CAPN8: variants seen among roughly 807,000 people sequenced by gnomAD.
CAPN8 encodes the protein calpain-8.
Under a neutral mutation model 80.9 loss-of-function variants are expected in CAPN8, and 87 were observed. The ratio of observed to expected loss-of-function variants is 1.07; its 90% confidence interval spans 0.90 to 1.28. CAPN8 has a LOEUF of 1.28. CAPN8 is among the 50% of genes most tolerant of loss of function. The pLI is 0.00. For missense variants in CAPN8, 757 were observed against 702.0 expected (o/e 1.08, Z -0.89); for synonymous variants, 299 against 273.8 (o/e 1.09, Z -0.91).
At chr1:223,661,584 C>A (rs545462420) in intron 1 of CAPN8, among the ~76,000 whole-genome samples, 1 of 152,094 alleles carries the variant, frequency 6.6e-6, no homozygotes, top group African/African-American at 2.4e-5. Context: ...GAGCCGAATT[C>A]GCACCATTGT....
chr1:223,660,008 T>A (rs1181080295), intron 1 of CAPN8, among the ~76,000 whole-genome samples: 1 of 152,118 alleles, frequency 6.6e-6, no homozygotes, highest in African/African-American at 2.4e-5. Context: ...CAGCACGCAA[T>A]AAATCATGGC....
intron 16 of CAPN8, among the ~76,000 whole-genome samples, chr1:223,547,070 C>T (rs755697713): frequency 5.9e-5 from 9 of 152,254 alleles, no homozygotes; most frequent in South Asian, 2.1e-4. Flanking sequence ...TGTGCCATCA[C>T]GCCTGGCTAA....
chr1:223,553,366 G>C (rs1036419175), intron 14 of CAPN8, among the ~76,000 whole-genome samples: 1 of 152,188 alleles, frequency 6.6e-6, no homozygotes. Context: ...CCCAGAGGGC[G>C]GGCAGGGCTG....
intron 7 of CAPN8, among the ~76,000 whole-genome samples, chr1:223,620,587 G>A (rs1657357709): frequency 1.3e-5 from 2 of 152,194 alleles, no homozygotes; most frequent in South Asian, 4.1e-4. Flanking sequence ...GCCCCTGTTT[G>A]CAGGAATGGG....
intron 15 of CAPN8, 189 bp from the exon 16 acceptor site, chr1:223,549,571 G>T: frequency 1.2e-6 from 1 of 850,982 alleles, no homozygotes; most frequent in East Asian, 2.7e-5. Context: ...TGCCGTGGGA[G>T]ATAGAACAGA....
chr1:223,546,119 G>A (rs951009814), intron 16 of CAPN8, among the ~76,000 whole-genome samples: 6 of 149,210 alleles, frequency 4.0e-5, no homozygotes, highest in African/African-American at 7.4e-5. Context: ...TTTTTTTAAC[G>A]CTGTGCTAGT....
intron 2 of CAPN8, among the ~76,000 whole-genome samples, chr1:223,634,208 T>C (rs527419500): frequency 6.6e-6 from 1 of 152,060 alleles, no homozygotes; most frequent in East Asian, 1.9e-4. Flanking sequence ...ATTGCAGAGG[T>C]TGTGGGGTGG....
At position 223,622,806 on chromosome 1, in the gene CAPN8, A is replaced by G. The variant is rs375929296; in HGVS notation, c.899+9T>C. On this transcript the variant is annotated intron_variant, in intron 7 of 20. Transcript: ENST00000366872. ...GAGATGACTGGAGAAGCGGGGGAAA[A>G]AAACCTACTCATCGCTCCAGGCTCC... The G allele has an allele frequency of 1.8e-4, 277 of 1,550,886 alleles. No individual in the cohort carries two copies. In the African/African-American group the frequency reaches 3.1e-3, roughly 17 times the overall value.
At position 223,623,230 on chromosome 1, in the gene CAPN8, G is replaced by A. The variant is rs760091717; in HGVS notation, c.814-330C>T. Among the ~76,000 whole-genome samples, 17 of 152,210 alleles carry A rather than the reference G, an allele frequency of 1.1e-4. No homozygotes were observed. In the East Asian group the frequency reaches 2.9e-3, roughly 26 times the overall value. ...TACATGAGACCTAATGATAATAAAC[G>A]CCCTCCAAACAAACACCAAAGCACG... On this transcript the variant is annotated intron_variant, in intron 6 of 20. Transcript: ENST00000366872.
intron 16 of CAPN8, among the ~76,000 whole-genome samples, chr1:223,546,239 A>C (rs1445340860): frequency 1.3e-5 from 2 of 152,146 alleles, no homozygotes; most frequent in Non-Finnish European, 2.9e-5. Flanking sequence ...CGTATGTTAC[A>C]GCACCAATGT....
chr1:223,624,713 CTAAATAAATAAATAAA>C (rs71740935), intron 6 of CAPN8, among the ~76,000 whole-genome samples: 1 of 141,778 alleles, frequency 7.1e-6, no homozygotes, highest in Non-Finnish European at 1.6e-5. Context: ...GACCCTGTCT[CTAAATAAATAAATAAA>C]TAAATAAATA....
At chr1:223,664,517 A>G (rs902641036) in intron 1 of CAPN8, among the ~76,000 whole-genome samples, 6 of 152,256 alleles carry the variant, frequency 3.9e-5, no homozygotes, top group Non-Finnish European at 7.3e-5. Flanking sequence ...GCCATTTTAC[A>G]GATGAGAAAA....
Position 223,541,968 on chromosome 1 carries a change from C to G in CAPN8, c.2089-109G>C, listed in dbSNP as rs532585320. On this transcript the variant is annotated intron_variant, in intron 20 of 20. Transcript: ENST00000366872. ...GGTGCGATCTTTTTATCTCCATTCT[C>G]CAGTAAGTGCCTTGCTCAAACATGG... 5 of 1,500,322 alleles carry G rather than the reference C, an allele frequency of 3.3e-6. No individual in the cohort carries two copies. In the South Asian group the frequency reaches 4.8e-5, roughly 14 times the overall value. The allele number at this position is 1,500,322 out of a possible 1,614,324, so 92.9% of individuals were successfully genotyped here. A position where few individuals can be genotyped will look rare whatever the true frequency, so the allele number is the denominator to read the frequency against.
chr1:223,621,729 C>T (rs868481688), intron 7 of CAPN8, among the ~76,000 whole-genome samples: 11 of 152,092 alleles, frequency 7.2e-5, no homozygotes, highest in Middle Eastern at 6.8e-3. Context: ...TTAAACTTGG[C>T]GATGTCCCCT....
chr1:223,622,978 A>C, intron 6 of CAPN8, 78 bp from the exon 7 acceptor site: 1 of 1,169,102 alleles, frequency 8.6e-7, no homozygotes, highest in South Asian at 1.4e-5. Context: ...ACCTGACAGG[A>C]TCTGCATTAA....
intron 2 of CAPN8, among the ~76,000 whole-genome samples, chr1:223,649,693 A>G (rs1278148352): frequency 6.6e-6 from 1 of 152,216 alleles, no homozygotes; most frequent in African/African-American, 2.4e-5. Flanking sequence ...GCAAAGGAAA[A>G]TGAAAAATAC....
At chr1:223,556,802 G>T (rs1656915801) in intron 13 of CAPN8, among the ~76,000 whole-genome samples, 1 of 152,148 alleles carries the variant, frequency 6.6e-6, no homozygotes, top group South Asian at 2.1e-4. Context: ...CTGAATTCAG[G>T]CTCAGCTCCA....
At chr1:223,547,552 T>C (rs36046438) in intron 16 of CAPN8, among the ~76,000 whole-genome samples, 66,812 of 152,010 alleles carry the variant, frequency 0.44, 14,927 homozygotes, top group African/African-American at 0.54. Context: ...GATGGTTGCT[T>C]AACTCTGAAT....
chr1:223,547,600 C>T (rs1004902026), intron 16 of CAPN8, among the ~76,000 whole-genome samples: 5 of 152,096 alleles, frequency 3.3e-5, no homozygotes, highest in Admixed American at 6.6e-5. Context: ...TAAATGAGTA[C>T]GCTGTATGGT....
Sources: gnomAD v4.1 joint callset for allele counts (sites outside exome capture counted in the v4.1 genomes callset) on GRCh38, gnomAD v4.1.1 for gene constraint, MANE v1.5 for transcripts, NCBI Gene and HGNC (gene_info 2026-07-23, HGNC 2026-07-21) for gene names.